The following TNFAIP8 variants were observed in gnomAD, a reference collection of about 807,000 sequenced individuals.
TNFAIP8 encodes TNF alpha induced protein 8, also known as tumor necrosis factor alpha-induced protein 8.
TNFAIP8 carries 7 observed loss-of-function variants against 13.3 expected under a neutral mutation model. The ratio of observed to expected loss-of-function variants is 0.52; its 90% CI spans 0.30 to 0.99. TNFAIP8 has a LOEUF of 0.99. Ranked by LOEUF, TNFAIP8 falls within the 50% of genes least tolerant of loss-of-function variation. TNFAIP8 has a pLI of 0.07. For missense variants in TNFAIP8, 258 were observed against 236.9 expected, an observed-to-expected ratio of 1.09 and a Z score of -0.58; for synonymous variants, 94 against 87.6, an observed-to-expected ratio of 1.07 and a Z score of -0.41.
intron 1 of TNFAIP8, among the ~76,000 whole-genome samples, chr5:119,276,608 TC>T (rs1748457600): frequency 6.6e-6 from 1 of 152,176 alleles, no homozygotes; most frequent in African/African-American, 2.4e-5. Flanking sequence ...CCCTGAGGCC[TC>T]CCTCCTTGCC....
chr5:119,358,577 A>T (rs1362531033), intron 1 of TNFAIP8, among the ~76,000 whole-genome samples: 1 of 152,198 alleles, frequency 6.6e-6, no homozygotes, highest in East Asian at 1.9e-4. Flanking sequence ...TAAATAGGAA[A>T]GAAGGGGAAA....
At chr5:119,335,291 C>T (rs1014306856) in intron 1 of TNFAIP8, among the ~76,000 whole-genome samples, 7 of 152,040 alleles carry the variant, frequency 4.6e-5, no homozygotes, top group East Asian at 3.9e-4. Context: ...TTTAAATGAA[C>T]GAGAGAGAGG....
At chr5:119,374,689 G>A (rs746678602) in intron 1 of TNFAIP8, among the ~76,000 whole-genome samples, 1 of 152,152 alleles carries the variant, frequency 6.6e-6, no homozygotes. Flanking sequence ...TTTCAATGCG[G>A]GGTAGCTAGG....
At chr5:119,281,127 G>C (rs1298799323) in intron 1 of TNFAIP8, among the ~76,000 whole-genome samples, 1 of 151,936 alleles carries the variant, frequency 6.6e-6, no homozygotes, top group Non-Finnish European at 1.5e-5. Flanking sequence ...TACATTTCTT[G>C]CCTATACCTG....
At chr5:119,324,628 C>T (rs113606078) in intron 1 of TNFAIP8, among the ~76,000 whole-genome samples, 78 of 152,140 alleles carry the variant, frequency 5.1e-4, no homozygotes, top group African/African-American at 1.6e-3. Context: ...ATGGGATATC[C>T]TCTCTGCTAT....
intron 1 of TNFAIP8, among the ~76,000 whole-genome samples, chr5:119,295,489 A>C (rs1336897085): frequency 1.3e-5 from 2 of 151,868 alleles, no homozygotes; most frequent in African/African-American, 4.8e-5. Context: ...GTTGATCTAT[A>C]TCTCTGTTTT....
At chr5:119,373,255 TC>T (rs1461161903) in intron 1 of TNFAIP8, among the ~76,000 whole-genome samples, 5 of 152,160 alleles carry the variant, frequency 3.3e-5, no homozygotes, top group African/African-American at 1.2e-4. Context: ...AAGAATGACT[TC>T]CCAATAGTAA....
At chr5:119,331,246 T>G (rs1196192452) in intron 1 of TNFAIP8, among the ~76,000 whole-genome samples, 2 of 152,290 alleles carry the variant, frequency 1.3e-5, no homozygotes, top group South Asian at 4.1e-4. Flanking sequence ...TTTTTTTTTT[T>G]TTTTAAACAT....
intron 1 of TNFAIP8, among the ~76,000 whole-genome samples, chr5:119,325,228 TTCTG>T (rs1382314067): frequency 2.0e-5 from 3 of 152,206 alleles, no homozygotes; most frequent in East Asian, 1.9e-4. Context: ...TTGTCCACAC[TTCTG>T]TCTATTTCAT....
chr5:119,313,585 T>G (rs1749797412), intron 1 of TNFAIP8, among the ~76,000 whole-genome samples: 1 of 152,234 alleles, frequency 6.6e-6, no homozygotes, highest in African/African-American at 2.4e-5. Context: ...AGTTTAGTAC[T>G]TGCCAAAATA....
upstream of TNFAIP8, among the ~76,000 whole-genome samples, chr5:119,352,192 G>A (rs1751193334): frequency 6.6e-6 from 1 of 152,194 alleles, no homozygotes; most frequent in South Asian, 2.1e-4. Context: ...AAGGGTAAAT[G>A]TAAATGTGTC....
chr5:119,346,674 A>T (rs1562010442), intron 1 of TNFAIP8, among the ~76,000 whole-genome samples: 1 of 152,226 alleles, frequency 6.6e-6, no homozygotes, highest in East Asian at 1.9e-4. Context: ...GACATCATCA[A>T]AAGGAAAATA....
At chr5:119,341,066 A>G (rs1325374167) in intron 1 of TNFAIP8, among the ~76,000 whole-genome samples, 2 of 147,514 alleles carry the variant, frequency 1.4e-5, no homozygotes, top group African/African-American at 5.0e-5. Context: ...GGTAAGCTTC[A>G]CTGGTGTTTT....
At chr5:119,300,048 C>T (rs1749334748) in intron 1 of TNFAIP8, among the ~76,000 whole-genome samples, 1 of 152,240 alleles carries the variant, frequency 6.6e-6, no homozygotes, top group South Asian at 2.1e-4. Flanking sequence ...AACTCCCTGA[C>T]CCCTTGTGCT....
chr5:119,278,376 AGT>A (rs71591297), intron 1 of TNFAIP8, among the ~76,000 whole-genome samples: 48,576 of 106,266 alleles, frequency 0.46, 11,115 homozygotes, highest in East Asian at 0.66. Flanking sequence ...AGAGAGAGAG[AGT>A]GTGTGTGTGT....
chr5:119,354,737 A>G (rs988062565), upstream of TNFAIP8: 1 of 153,032 alleles, frequency 6.5e-6, no homozygotes, highest in Non-Finnish European at 1.5e-5. Context: ...GCATAAGGTC[A>G]TACAAATGAT....
chr5:119,344,390 C>T (rs1175221293), intron 1 of TNFAIP8, among the ~76,000 whole-genome samples: 1 of 152,170 alleles, frequency 6.6e-6, no homozygotes, highest in Admixed American at 6.5e-5. Context: ...CATTAAGGAT[C>T]CACCTCCATG....
intron 1 of TNFAIP8, among the ~76,000 whole-genome samples, chr5:119,367,316 A>T (rs558046090): frequency 1.2e-4 from 7 of 58,130 alleles, no homozygotes; most frequent in African/African-American, 3.6e-4. Flanking sequence ...GCTGTTGTTT[A>T]GTTATTTGAG....
intron 1 of TNFAIP8, among the ~76,000 whole-genome samples, chr5:119,294,030 C>A (rs1749080407): frequency 6.6e-6 from 1 of 151,786 alleles, no homozygotes. Flanking sequence ...CTTCCCAATA[C>A]CTTCTTTTTT....
Sources: gnomAD v4.1 joint callset for allele counts (sites outside exome capture counted in the v4.1 genomes callset) on GRCh38, gnomAD v4.1.1 for gene constraint, MANE v1.5 for transcripts, NCBI Gene and HGNC (gene_info 2026-07-23, HGNC 2026-07-21) for gene names.